The following STIM2 variants were observed in gnomAD, a reference collection of about 807,000 sequenced individuals.
The protein encoded by STIM2 is stromal interaction molecule 2.
In STIM2, 31 loss-of-function variants were observed where a neutral mutation model predicts 85.8. The observed-to-expected ratio is 0.36, with a 90% CI of 0.27 to 0.49. The LOEUF is 0.49. Among genes scored for constraint, STIM2 ranks in the 20% least tolerant of loss-of-function variants. The pLI is 0.98. For synonymous variants in STIM2, 356 were observed against 331.1 expected, an observed-to-expected ratio of 1.08 and a Z score of -0.82; for missense variants, 841 against 927.6, an observed-to-expected ratio of 0.91 and a Z score of 1.21.
At chr4:26,997,847 A>G (rs562575018) in intron 4 of STIM2, among the ~76,000 whole-genome samples, 1 of 152,328 alleles carries the variant, frequency 6.6e-6, no homozygotes, top group African/African-American at 2.4e-5. Flanking sequence ...TCAGAGAGGG[A>G]ATGTTACAGT....
chr4:26,920,352 C>T (rs1724752618), intron 2 of STIM2, among the ~76,000 whole-genome samples: 1 of 152,162 alleles, frequency 6.6e-6, no homozygotes, highest in African/African-American at 2.4e-5. Context: ...TTGGAGACCA[C>T]CAGCATGGTA....
intron 3 of STIM2, among the ~76,000 whole-genome samples, chr4:26,984,149 T>G (rs895302160): frequency 6.6e-6 from 1 of 152,212 alleles, no homozygotes; most frequent in African/African-American, 2.4e-5. Context: ...GACATTTTCC[T>G]TGGCAGTCTT....
At position 27,022,651 on chromosome 4, in the gene STIM2, A is replaced by G. The variant is rs373466728; in HGVS notation, c.1896A>G (p.Leu632=). ...AGATATCAAGAGATGAGGTGTCCCT[A>G]GAGGATTCCTCCCGAGGGGATTCGC... Residue 632 remains leucine (L), a synonymous_variant, in exon 12 of 12, where the codon CTA becomes CTG. Coordinates refer to ENST00000467087, the MANE Select transcript of STIM2 (RefSeq NM_020860.4). 160 of 1,614,212 alleles carry G rather than the reference A, an allele frequency of 9.9e-5. No individual in the cohort carries two copies. In the African/African-American group the frequency reaches 2.0e-3, roughly 20 times the overall value.
chr4:27,019,107 G>A (rs922104634), intron 11 of STIM2, among the ~76,000 whole-genome samples: 10 of 152,088 alleles, frequency 6.6e-5, no homozygotes, highest in Non-Finnish European at 1.2e-4. Flanking sequence ...GTAGTTTCAG[G>A]TATTGCCACT....
chr4:26,911,601 AG>A (rs1258204161), intron 1 of STIM2, among the ~76,000 whole-genome samples: 1 of 152,248 alleles, frequency 6.6e-6, no homozygotes, highest in Admixed American at 6.5e-5. Flanking sequence ...AAGTCTGAAT[AG>A]ATAATCAGAG....
At chr4:26,868,012 T>C (rs1221318582) in intron 1 of STIM2, among the ~76,000 whole-genome samples, 1 of 152,266 alleles carries the variant, frequency 6.6e-6, no homozygotes, top group East Asian at 1.9e-4. Flanking sequence ...CTTGGTGTGC[T>C]ATAGCACAAG....
intron 2 of STIM2, among the ~76,000 whole-genome samples, chr4:26,952,799 A>AT (rs1190327494): frequency 2.0e-5 from 3 of 152,156 alleles, no homozygotes; most frequent in Admixed American, 2.0e-4. Context: ...CCAGGTGAGC[A>AT]TGGTGGTGAA....
At chr4:26,929,259 A>C (rs1043167215) in intron 2 of STIM2, among the ~76,000 whole-genome samples, 1 of 152,164 alleles carries the variant, frequency 6.6e-6, no homozygotes, top group Non-Finnish European at 1.5e-5. Flanking sequence ...TTTTATTTCT[A>C]TTAGCACTGA....
chr4:26,957,754 CT>C, intron 3 of STIM2, 28 bp downstream of exon 3: 1 of 1,432,446 alleles, frequency 7.0e-7, no homozygotes, highest in Non-Finnish European at 9.7e-7. Flanking sequence ...ATCTGGCCCC[CT>C]CCCCTTCTGC....
chr4:26,927,694 A>C (rs963440322), intron 2 of STIM2, among the ~76,000 whole-genome samples: 3 of 128,012 alleles, frequency 2.3e-5, no homozygotes, highest in East Asian at 2.0e-4. Flanking sequence ...AAAAAAAAAA[A>C]AAAAAAAAAA....
chr4:26,999,326 GT>G lies in STIM2; in HGVS notation c.608del (p.Leu203CysfsTer5), dbSNP rs1728066045. On this transcript the variant is annotated frameshift_variant, in exon 5 of 12. Coordinates refer to ENST00000467087, the MANE Select transcript of STIM2 (RefSeq NM_020860.4). LOFTEE classifies it high-confidence loss of function. ...ACTTCAGCTCAAGGCATTGGATGTG[GT>G]TTTGTTTGGACCTCTAACACGTTAG... 6.2e-7 allele frequency: 1 copy of G among 1,608,864 alleles called. No individual in the cohort carries two copies. Among genetic ancestry groups the G allele is most frequent in the Non-Finnish European group, 8.5e-7 (1 of 1,177,472 alleles).
intron 1 of STIM2, among the ~76,000 whole-genome samples, chr4:26,904,016 T>C (rs1724027537): frequency 6.6e-6 from 1 of 151,994 alleles, no homozygotes; most frequent in African/African-American, 2.4e-5. Context: ...TACGTATGTA[T>C]ACCTGTGCCA....
intron 4 of STIM2, 89 bp downstream of exon 4, chr4:26,995,579 C>A: frequency 1.5e-6 from 1 of 669,840 alleles, no homozygotes; most frequent in Non-Finnish European, 2.3e-6. Flanking sequence ...CAAGTTACTT[C>A]CGTGGCTGAG....
At chr4:26,931,242 T>G (rs965907232) in intron 2 of STIM2, among the ~76,000 whole-genome samples, 1 of 152,162 alleles carries the variant, frequency 6.6e-6, no homozygotes, top group Non-Finnish European at 1.5e-5. Flanking sequence ...TTGTGACTAA[T>G]GCTGGAAGTG....
intron 1 of STIM2, among the ~76,000 whole-genome samples, chr4:26,886,157 A>T (rs1364337318): frequency 2.0e-5 from 3 of 152,054 alleles, no homozygotes; most frequent in African/African-American, 7.2e-5. Context: ...AGTGAGAAGG[A>T]TGCAAGGAGA....
At chr4:26,875,280 A>C (rs1369861415) in intron 1 of STIM2, among the ~76,000 whole-genome samples, 1 of 152,240 alleles carries the variant, frequency 6.6e-6, no homozygotes, top group Non-Finnish European at 1.5e-5. Flanking sequence ...AAAATCTTAT[A>C]GAAATATGCA....
intron 1 of STIM2, among the ~76,000 whole-genome samples, chr4:26,881,956 T>A (rs550164675): frequency 6.6e-6 from 1 of 152,348 alleles, no homozygotes; most frequent in South Asian, 2.1e-4. Context: ...TTAAAAAATA[T>A]CTATTTGTAT....
intron 1 of STIM2, among the ~76,000 whole-genome samples, chr4:26,902,639 T>A (rs1373479520): frequency 2.6e-5 from 4 of 152,286 alleles, no homozygotes; most frequent in Middle Eastern, 6.8e-3. Flanking sequence ...TTTAGATCAT[T>A]CAAAATCATT....
At chr4:26,960,605 T>G (rs1726414434) in intron 3 of STIM2, among the ~76,000 whole-genome samples, 1 of 152,238 alleles carries the variant, frequency 6.6e-6, no homozygotes, top group South Asian at 2.1e-4. Flanking sequence ...TCAAATGTTT[T>G]GAGTACAGGC....
Sources: allele counts gnomAD v4.1 joint callset (sites outside exome capture counted in the v4.1 genomes callset), GRCh38; gene constraint gnomAD v4.1.1; transcripts MANE v1.5; gene names NCBI Gene and HGNC (gene_info 2026-07-23, HGNC 2026-07-21).